The following COBL variants were observed in gnomAD, a reference collection of about 807,000 sequenced individuals.
COBL encodes cordon-bleu WH2 repeat protein, also known as protein cordon-bleu.
A neutral mutation model predicts 98.8 loss-of-function variants in COBL; 51 were observed. The observed-to-expected ratio is 0.52, with a 90% CI of 0.41 to 0.65. The LOEUF (loss-of-function observed/expected upper bound fraction) is 0.65, where lower values mean the gene tolerates loss of function less well. Ranked by LOEUF, COBL falls within the 30% of genes least tolerant of loss-of-function variation. The probability of loss-of-function intolerance (pLI) is 0.00; values close to 1 mark genes in which losing one functional copy is unlikely to be tolerated. For synonymous variants in COBL, 634 were observed against 651.7 expected, an observed-to-expected ratio of 0.97 and a Z score of 0.41; for missense variants, 1,617 against 1,617.5, an observed-to-expected ratio of 1.00 and a Z score of 0.01.
chr7:51,049,111 T>C lies in COBL; in HGVS notation c.1097-5419A>G, dbSNP rs547749574. On this transcript the variant is annotated intron_variant, in intron 7 of 12. Coordinates refer to ENST00000265136, the MANE Select transcript of COBL (RefSeq NM_015198.5). ...CTGTCACAAAAATTATGCTTAATGA[T>C]CTATAATCTGACAACTCAGTTAGAT... Among the ~76,000 whole-genome samples the C allele has an allele frequency of 2.0e-5, 3 of 152,360 alleles. No homozygotes were observed. In the South Asian group the frequency reaches 6.2e-4, roughly 32 times the overall value.
At chr7:51,279,343 T>C (rs1563120673) in intron 1 of COBL, among the ~76,000 whole-genome samples, 3 of 152,260 alleles carry the variant, frequency 2.0e-5, no homozygotes. Flanking sequence ...CCAACGTGCA[T>C]TATACTTTCT....
chr7:51,208,899 A>T (rs1792102111), intron 2 of COBL, among the ~76,000 whole-genome samples: 1 of 151,990 alleles, frequency 6.6e-6, no homozygotes, highest in Non-Finnish European at 1.5e-5. Context: ...GTACCCAGGG[A>T]CACAAACACT....
chr7:51,106,670 A>C (rs950296440), intron 6 of COBL, among the ~76,000 whole-genome samples: 7 of 152,208 alleles, frequency 4.6e-5, no homozygotes, highest in Admixed American at 4.6e-4. Flanking sequence ...TCAAATGCTG[A>C]TGCCTTAGGT....
rs565897394 is a variant in COBL, at chr7:51,119,733, A to G, written c.957+16425T>C. Reference sequence around the variant, plus strand: ...ATTCCCATGACAAAACCATTCACTTAAAAATATTCATCAATATAGGACTTA... The same window carrying G: ...ATTCCCATGACAAAACCATTCACTTGAAAATATTCATCAATATAGGACTTA... On this transcript the variant is annotated intron_variant, in intron 6 of 12. Coordinates refer to ENST00000265136, the MANE Select transcript of COBL (RefSeq NM_015198.5). Among the ~76,000 whole-genome samples the G allele has an allele frequency of 1.4e-4, 22 of 152,352 alleles. No homozygotes were observed. In the South Asian group the frequency reaches 4.4e-3, roughly 30 times the overall value.
chr7:51,256,602 T>C (rs541665925), intron 1 of COBL, among the ~76,000 whole-genome samples: 33 of 152,296 alleles, frequency 2.2e-4, no homozygotes, highest in African/African-American at 7.2e-4. Flanking sequence ...ATCCACTCAA[T>C]CGCCCTAGTA....
In COBL at chr7:51,208,372, G is replaced by A. The variant is rs372495354; in HGVS notation, c.245+11369C>T. ...AGCCCCCCGCCAGGCCAGCCGCCCCGTCTGGGAGGGAGGTGGGGGGGGTCA... is the reference window on the plus strand; with the variant it reads ...AGCCCCCCGCCAGGCCAGCCGCCCCATCTGGGAGGGAGGTGGGGGGGGTCA... On this transcript the variant is annotated intron_variant, in intron 2 of 12. Coordinates refer to ENST00000265136, the MANE Select transcript of COBL (RefSeq NM_015198.5). Among the ~76,000 whole-genome samples, 85 of 146,934 alleles carry A rather than the reference G, an allele frequency of 5.8e-4. 3 individuals carry two copies. The South Asian group carries it at 0.015, about 27-fold the overall frequency.
intron 1 of COBL, among the ~76,000 whole-genome samples, chr7:51,305,587 T>G (rs1325830099): frequency 2.0e-5 from 3 of 152,164 alleles, no homozygotes; most frequent in East Asian, 1.9e-4. Context: ...GGAGGATAAA[T>G]TACTTTTGTG....
chr7:51,202,384 G>A (rs1006041048), intron 2 of COBL, among the ~76,000 whole-genome samples: 4 of 152,026 alleles, frequency 2.6e-5, no homozygotes, highest in Non-Finnish European at 5.9e-5. Flanking sequence ...GGTTACAATT[G>A]TTATATTTTA....
intron 6 of COBL, among the ~76,000 whole-genome samples, chr7:51,092,865 G>A (rs1219826136): frequency 6.6e-6 from 1 of 152,128 alleles, no homozygotes; most frequent in Non-Finnish European, 1.5e-5. Context: ...ATCACTTTGG[G>A]TAGTACGGAC....
chr7:51,039,471 C>T (rs898331982), intron 8 of COBL, among the ~76,000 whole-genome samples: 5 of 152,254 alleles, frequency 3.3e-5, no homozygotes, highest in African/African-American at 9.6e-5. Flanking sequence ...TCCCTGCCAG[C>T]CCTGCCTTTA....
intron 1 of COBL, chr7:51,260,128 C>A: frequency 6.9e-7 from 1 of 1,443,416 alleles, no homozygotes; most frequent in East Asian, 2.3e-5. Context: ...AGGAGATTTT[C>A]TGGAACCAAA....
Position 51,027,881 on chromosome 7 carries a change from A to G in COBL, c.3215T>C (p.Val1072Ala), listed in dbSNP as rs1787729292. 1 of 1,614,116 alleles carries G rather than the reference A, an allele frequency of 6.2e-7. No individual in the cohort carries two copies. The highest frequency in any genetic ancestry group is 1.3e-5 in the African/African-American group (1 of 74,946). Residue 1072 changes from valine (V) to alanine (A), a missense_variant, in exon 10 of 13, where the codon GTG (valine) becomes GCG (alanine). By Grantham distance (64) the Val-to-Ala change is moderately conservative (BLOSUM62 0). Around this residue, in one of 3 missense-constraint regions of COBL, gnomAD observed 1,304 missense variants for 1,282.0 expected, o/e 1.02. Transcript: ENST00000265136. ...ILLEREEKPS[V>A]FSTDGNETDS... ...TGTTTCATTTCCATCTGTAGAGAAC[A>G]CACTGGGCTTTTCCTCTCTTTCTAG...
intron 1 of COBL, among the ~76,000 whole-genome samples, chr7:51,296,885 T>C (rs566246944): frequency 1.6e-4 from 25 of 152,300 alleles, no homozygotes; most frequent in African/African-American, 5.5e-4. Context: ...TTCAACTAAA[T>C]AGAACTCCCA....
chr7:51,093,863 C>A (rs1278807235), intron 6 of COBL, among the ~76,000 whole-genome samples: 2 of 151,174 alleles, frequency 1.3e-5, no homozygotes, highest in East Asian at 3.9e-4. Context: ...CACTGCATTC[C>A]AGCCTGGGCG....
chr7:51,171,501 CCTTTT>C (rs1562992417), intron 5 of COBL, among the ~76,000 whole-genome samples: 1 of 152,084 alleles, frequency 6.6e-6, no homozygotes, highest in South Asian at 2.1e-4. Context: ...TAATGTTGAA[CCTTTT>C]CTTATCAGTA....
At chr7:51,092,950 T>C (rs75889622) in intron 6 of COBL, among the ~76,000 whole-genome samples, 1 of 308 alleles carries the variant, frequency 3.2e-3, no homozygotes, top group East Asian at 4.0e-3. Flanking sequence ...TTCCAATTTT[T>C]CAGCATGCTA....
intron 6 of COBL, among the ~76,000 whole-genome samples, chr7:51,131,514 T>C (rs781076928): frequency 7.2e-5 from 11 of 151,826 alleles, no homozygotes; most frequent in Non-Finnish European, 1.2e-4. Flanking sequence ...GCAAGAATAA[T>C]ATAGAGTATT....
chr7:51,171,889 G>T (rs1018670385), intron 5 of COBL, among the ~76,000 whole-genome samples: 1 of 152,140 alleles, frequency 6.6e-6, no homozygotes, highest in Non-Finnish European at 1.5e-5. Context: ...TGATACAGAA[G>T]AGTCTTTCCA....
chr7:51,089,282 G>A (rs1414856205), intron 6 of COBL, among the ~76,000 whole-genome samples: 1 of 152,148 alleles, frequency 6.6e-6, no homozygotes, highest in East Asian at 1.9e-4. Context: ...GGGAGGCTGA[G>A]GCGGGTGGAT....
Sources: allele counts gnomAD v4.1 joint callset (sites outside exome capture counted in the v4.1 genomes callset), GRCh38; gene constraint gnomAD v4.1.1; regional missense constraint gnomAD v4.1.1; transcripts MANE v1.5; gene names NCBI Gene and HGNC (gene_info 2026-07-23, HGNC 2026-07-21).